The following PCDHGB1 variants were observed in gnomAD, a reference collection of about 807,000 sequenced individuals.
The protein encoded by PCDHGB1 is protocadherin gamma subfamily B, 1.
A neutral mutation model predicts 56.6 loss-of-function variants in PCDHGB1; 34 were observed. That is an observed-to-expected ratio of 0.60 (90% CI 0.46 to 0.80). The LOEUF (loss-of-function observed/expected upper bound fraction) is 0.80, where lower values mean the gene tolerates loss of function less well. Among genes scored for constraint, PCDHGB1 ranks in the 30% least tolerant of loss-of-function variants. The pLI, the probability that PCDHGB1 is intolerant of heterozygous loss-of-function variation, is 0.00. For synonymous variants in PCDHGB1, 561 were observed against 505.9 expected, an observed-to-expected ratio of 1.11 and a Z score of -1.46; for missense variants, 1,278 against 1,204.6, an observed-to-expected ratio of 1.06 and a Z score of -0.90.
At chr5:141,352,846 G>C (rs1759124733) in intron 1 of PCDHGB1, among the ~76,000 whole-genome samples, 177 bp downstream of exon 1, 1 of 152,124 alleles carries the variant, frequency 6.6e-6, no homozygotes, top group African/African-American at 2.4e-5. Context: ...AAATTAGTTG[G>C]GTGTGGTGGC....
In PCDHGB1 at chr5:141,359,947, C is replaced by G. The variant is rs903366746; in HGVS notation, c.2409+7278C>G. The G allele has an allele frequency of 9.4e-6, 5 of 532,132 alleles. No homozygotes were observed. The African/African-American group carries it at 9.7e-5, about 10-fold the overall frequency. The allele number at this position is 532,132 out of a possible 1,614,324, so 33.0% of individuals were successfully genotyped here. ...AAAACCTCTGAGCGTCGCTGTTGGT[C>G]AAAAGAACGAAGAGAAGCGTTTGGG... On this transcript the variant is annotated intron_variant, in intron 1 of 3. Coordinates refer to ENST00000523390, the MANE Select transcript of PCDHGB1 (RefSeq NM_018922.3).
chr5:141,422,661 C>T (rs1289162498), intron 1 of PCDHGB1: 7 of 1,608,938 alleles, frequency 4.4e-6, no homozygotes, highest in Admixed American at 1.7e-5. Flanking sequence ...TGACCGCCCT[C>T]GACCCGGACA....
chr5:141,356,087 C>T (rs768342539), intron 1 of PCDHGB1: 1 of 1,613,878 alleles, frequency 6.2e-7, no homozygotes, highest in Non-Finnish European at 8.5e-7. Context: ...CAGTTGAATT[C>T]TCTGAGTGGG....
Position 141,476,115 on chromosome 5 carries a change from A to G in PCDHGB1, c.2410-18692A>G. 1 of 1,592,814 alleles carries G rather than the reference A, an allele frequency of 6.3e-7. No homozygotes were observed. The highest frequency in any genetic ancestry group is 8.5e-7 in the Non-Finnish European group (1 of 1,171,734). On this transcript the variant is annotated intron_variant, in intron 1 of 3. Coordinates refer to ENST00000523390, the MANE Select transcript of PCDHGB1 (RefSeq NM_018922.3). This position sits in a 1 kb window ranked among gnomAD's most constrained non-coding sequence, Gnocchi z 7.6. ...CGCTGAGAGGAACTGCTTTTGAGTG[A>G]GATGGTCCCAGAGGCCTGGAGGAGC...
chr5:141,428,443 G>T (rs1004000862), intron 1 of PCDHGB1: 5 of 383,870 alleles, frequency 1.3e-5, no homozygotes, highest in Non-Finnish European at 2.0e-5. Context: ...TAGACCAGGG[G>T]TTTTTCCCAA....
rs186028114 is a variant in PCDHGB1, at chr5:141,387,416, T to C, written c.2409+34747T>C. ...ATGTTTGAAGATTGGGGAAAGCTTA[T>C]GTCAATAAATGTTTATGTACTTAAT... On this transcript the variant is annotated intron_variant, in intron 1 of 3. Coordinates refer to ENST00000523390, the MANE Select transcript of PCDHGB1 (RefSeq NM_018922.3). 6.8e-4 allele frequency among the ~76,000 whole-genome samples: 103 copies of C among 152,364 alleles called. 1 individual carries two copies. The highest frequency in any genetic ancestry group is 3.4e-3 in the Middle Eastern group (1 of 294).
At chr5:141,506,669 A>C (rs1293213848) in intron 3 of PCDHGB1, among the ~76,000 whole-genome samples, 1 of 152,198 alleles carries the variant, frequency 6.6e-6, no homozygotes, top group African/African-American at 2.4e-5. Flanking sequence ...GTAAGGGCAC[A>C]ATATATTATT....
intron 1 of PCDHGB1, chr5:141,375,214 C>A: frequency 6.2e-7 from 1 of 1,613,928 alleles, no homozygotes. Flanking sequence ...GAGACTCTGG[C>A]CTGAATGGCC....
In PCDHGB1 at chr5:141,431,940, T is replaced by G; in HGVS notation, c.2410-62867T>G. ...ATCCAAGGAAATCTGCCCTTTAAAT[T>G]AGAAAAATCTTACGGAAATTACTAT... On this transcript the variant is annotated intron_variant, in intron 1 of 3. Coordinates refer to ENST00000523390, the MANE Select transcript of PCDHGB1 (RefSeq NM_018922.3). The surrounding 1 kb of genome is among the most constrained non-coding windows in gnomAD (Gnocchi z 4.8). 2 of 1,614,132 alleles carry G rather than the reference T, an allele frequency of 1.2e-6. No homozygotes were observed. Among genetic ancestry groups the G allele is most frequent in the Non-Finnish European group, 1.7e-6 (2 of 1,179,998 alleles).
intron 1 of PCDHGB1, chr5:141,415,551 C>A (rs745641887): frequency 5.6e-6 from 9 of 1,614,014 alleles, no homozygotes; most frequent in Non-Finnish European, 7.6e-6. Context: ...GTGAGAAAAA[C>A]GATCCTTTGT....
chr5:141,394,652 G>T (rs1589237070), intron 1 of PCDHGB1: 1 of 1,613,422 alleles, frequency 6.2e-7, no homozygotes, highest in Non-Finnish European at 8.5e-7. Flanking sequence ...AGGCCAGCGA[G>T]CCGGGACTCT....
In PCDHGB1 at chr5:141,489,432, G is replaced by A. The variant is rs2099687138; in HGVS notation, c.2410-5375G>A. ...TGACAGATCTGTTGAGCCGGCGGCTGCAATTGGGCTCTGAGGAGAATGGGC... is the reference window on the plus strand; with the variant it reads ...TGACAGATCTGTTGAGCCGGCGGCTACAATTGGGCTCTGAGGAGAATGGGC... On this transcript the variant is annotated intron_variant, in intron 1 of 3. Transcript: ENST00000523390. The surrounding 1 kb of genome is among the most constrained non-coding windows in gnomAD (Gnocchi z 4.5). 3.1e-6 allele frequency: 5 copies of A among 1,614,166 alleles called. No individual in the cohort carries two copies. Among genetic ancestry groups the A allele is most frequent in the Non-Finnish European group, 4.2e-6 (5 of 1,180,036 alleles).
At chr5:141,503,116 A>G (rs1303445673) in intron 2 of PCDHGB1, among the ~76,000 whole-genome samples, 11 of 151,656 alleles carry the variant, frequency 7.3e-5, no homozygotes, top group Admixed American at 4.6e-4. Flanking sequence ...GCCTCTCTTC[A>G]TACCCTCTGG....
chr5:141,374,558 G>C, intron 1 of PCDHGB1: 1 of 1,613,642 alleles, frequency 6.2e-7, no homozygotes, highest in Non-Finnish European at 8.5e-7. Context: ...GGAGGTCTAT[G>C]ACCCTGATGT....
intron 1 of PCDHGB1, chr5:141,433,208 C>CT (rs745329085): frequency 0.022 from 27,155 of 1,216,152 alleles, no homozygotes; most frequent in Non-Finnish European, 0.026. Flanking sequence ...AATCTTCTTT[C>CT]TTTTTTTTTT....
At chr5:141,381,850 G>T (rs1777668389) in intron 1 of PCDHGB1, among the ~76,000 whole-genome samples, 3 of 33,314 alleles carry the variant, frequency 9.0e-5, no homozygotes, top group Non-Finnish European at 5.3e-5. Flanking sequence ...TTTTTTTTTG[G>T]CAGAGTTTTG....
chr5:141,362,319 G>A (rs1561526450), intron 1 of PCDHGB1: 1 of 1,614,068 alleles, frequency 6.2e-7, no homozygotes, highest in Non-Finnish European at 8.5e-7. Flanking sequence ...ACTGTTTTCA[G>A]CCTGGTCTCA....
chr5:141,423,497 AG>A (rs1269176785), intron 1 of PCDHGB1: 1 of 1,613,940 alleles, frequency 6.2e-7, no homozygotes, highest in Non-Finnish European at 8.5e-7. Flanking sequence ...TATTCCCACG[AG>A]GTCTCTCTCA....
chr5:141,462,418 T>A (rs1187388192), intron 1 of PCDHGB1, among the ~76,000 whole-genome samples: 2 of 152,250 alleles, frequency 1.3e-5, no homozygotes, highest in African/African-American at 2.4e-5. Context: ...ATATGGTCTA[T>A]CTTGGTGAGT....
Sources: gnomAD v4.1 joint callset for allele counts (sites outside exome capture counted in the v4.1 genomes callset) on GRCh38, gnomAD v4.1.1 for gene constraint, Gnocchi (gnomAD v3.1) non-coding constraint, MANE v1.5 for transcripts, NCBI Gene and HGNC (gene_info 2026-07-23, HGNC 2026-07-21) for gene names.